TIMM23: variants seen among roughly 807,000 people sequenced by gnomAD.
TIMM23 encodes mitochondrial import inner membrane translocase subunit Tim23.
TIMM23 carries 19 observed loss-of-function variants against 30.7 expected under a neutral mutation model. That is an observed-to-expected ratio of 0.62 (90% CI 0.43 to 0.91). TIMM23 has a LOEUF of 0.91. Among genes scored for constraint, TIMM23 ranks in the 40% least tolerant of loss-of-function variants. The pLI, the probability that TIMM23 is intolerant of heterozygous loss-of-function variation, is 0.00. For missense variants in TIMM23, 202 were observed against 269.2 expected (o/e 0.75, Z 1.75); for synonymous variants, 78 against 98.5 (o/e 0.79, Z 1.23).
At position 46,003,301 on chromosome 10, in the gene TIMM23, C is replaced by T. The variant is rs781784865; in HGVS notation, c.613C>T (p.Leu205Phe). ...CTGGGAGCACATGAAAGGCTCCTTG[C>T]TCCAACAGTCACTCTGAAGATTTTG... is the stretch of plus-strand genomic sequence containing the variant. ...NNWEHMKGSL[L>F]QQSL Residue 205 changes from leucine to phenylalanine, a missense_variant, in exon 7 of 7, where the codon CTC becomes TTC. Physicochemically the swap from Leu to Phe is conservative, Grantham distance 22. Transcript: ENST00000580018. The T allele has an allele frequency of 6.2e-7, 1 of 1,613,782 alleles. No homozygotes were observed. Among genetic ancestry groups the T allele is most frequent in the Non-Finnish European group, 8.5e-7 (1 of 1,179,702 alleles).
chr10:45,996,189 G>A (rs1838325543), intron 6 of TIMM23, among the ~76,000 whole-genome samples: 3 of 142,418 alleles, frequency 2.1e-5, no homozygotes, highest in South Asian at 2.2e-4. Flanking sequence ...GTGAAACCCC[G>A]TCTCTACTGA....
At position 46,003,513 on chromosome 10, in the gene TIMM23, G is replaced by C. The variant is rs1838620194; in HGVS notation, c.*195G>C. ...CAGCCATTAGTGAGTTGAAGCCAAA[G>C]CCCTTTGGTGACTCACTGAGTACCA... is the stretch of plus-strand genomic sequence containing the variant. On this transcript the variant is annotated 3_prime_UTR_variant, in exon 7 of 7. Transcript: ENST00000580018. The C allele has an allele frequency of 2.0e-6, 1 of 495,802 alleles. No homozygotes were observed. Among genetic ancestry groups the C allele is most frequent in the Non-Finnish European group, 3.7e-6 (1 of 272,404 alleles). 30.7% of individuals were successfully genotyped at this position (495,802 alleles called of 1,614,324 possible).
intron 2 of TIMM23, among the ~76,000 whole-genome samples, chr10:45,978,825 A>G (rs2132247745): frequency 6.6e-6 from 1 of 152,268 alleles, no homozygotes; most frequent in East Asian, 1.9e-4. Context: ...CTGTGCACAT[A>G]AGTTGTAAAT....
intron 6 of TIMM23, among the ~76,000 whole-genome samples, chr10:45,993,509 G>T (rs1450735952): frequency 6.6e-6 from 1 of 151,890 alleles, no homozygotes; most frequent in Non-Finnish European, 1.5e-5. Flanking sequence ...AGCAGAGATC[G>T]CGCCACTGAA....
At chr10:45,975,154 G>T (rs1554912744) in intron 1 of TIMM23, among the ~76,000 whole-genome samples, 2 of 152,192 alleles carry the variant, frequency 1.3e-5, no homozygotes, top group African/African-American at 4.8e-5. Flanking sequence ...AAAGAAATTA[G>T]CTTTGTAAAT....
chr10:45,977,731 C>G (rs1372517536), intron 2 of TIMM23, among the ~76,000 whole-genome samples: 4 of 152,122 alleles, frequency 2.6e-5, no homozygotes, highest in African/African-American at 4.8e-5. Context: ...GTGGTTTAGA[C>G]AATACCAACA....
intron 6 of TIMM23, among the ~76,000 whole-genome samples, chr10:46,001,476 T>G (rs1387869155): frequency 6.6e-6 from 1 of 152,168 alleles, no homozygotes; most frequent in Non-Finnish European, 1.5e-5. Context: ...GTCTTCAGAC[T>G]GGAGAGATTC....
At chr10:45,980,097 T>G in intron 2 of TIMM23, among the ~76,000 whole-genome samples, 1 of 151,008 alleles carries the variant, frequency 6.6e-6, no homozygotes, top group Admixed American at 6.6e-5. Flanking sequence ...AAAAAGTGTT[T>G]TATAAACCTC....
At chr10:45,977,024 A>G (rs1234303480) in intron 2 of TIMM23, among the ~76,000 whole-genome samples, 1 of 151,940 alleles carries the variant, frequency 6.6e-6, no homozygotes, top group Non-Finnish European at 1.5e-5. Flanking sequence ...GATTACCAAT[A>G]ACATCAAAAA....
intron 1 of TIMM23, among the ~76,000 whole-genome samples, chr10:45,973,417 C>G (rs4247664): frequency 5.3e-5 from 8 of 152,286 alleles, no homozygotes; most frequent in African/African-American, 1.7e-4. Context: ...TAGATAAATA[C>G]AACTTGGACC....
chr10:45,986,703 C>T (rs1240024982), intron 5 of TIMM23, among the ~76,000 whole-genome samples: 18 of 151,912 alleles, frequency 1.2e-4, no homozygotes, highest in Admixed American at 3.9e-4. Flanking sequence ...AGAAGGATGG[C>T]TTGGGGGAAG....
chr10:46,002,302 A>G (rs1427243505), intron 6 of TIMM23: 4 of 152,806 alleles, frequency 2.6e-5, no homozygotes, highest in Non-Finnish European at 5.8e-5. Flanking sequence ...CAGCCTCCCA[A>G]ATAGCTGGGA....
In TIMM23 at chr10:46,003,254, G is replaced by A. The variant is rs1256564408; in HGVS notation, c.566G>A (p.Ser189Asn). ...RGGLTGLTLTSLYALYNNWEH... is the reference protein window; with the variant it reads ...RGGLTGLTLTNLYALYNNWEH... ...GGTCTGACAGGACTAACACTTACCA[G>A]CCTCTATGCACTATATAATAACTGG... Residue 189 changes from serine (S) to asparagine (N), a missense_variant, in exon 7 of 7, where the codon AGC becomes AAC. Physicochemically the swap from Ser to Asn is conservative, Grantham distance 46. Coordinates refer to ENST00000580018, the MANE Select transcript of TIMM23 (RefSeq NM_006327.4). 9 of 1,614,136 alleles carry A rather than the reference G, an allele frequency of 5.6e-6. No individual in the cohort carries two copies. The highest frequency in any genetic ancestry group is 7.6e-6 in the Non-Finnish European group (9 of 1,180,020).
chr10:46,000,482 A>T (rs895491355), intron 6 of TIMM23, among the ~76,000 whole-genome samples: 1 of 152,194 alleles, frequency 6.6e-6, no homozygotes, highest in African/African-American at 2.4e-5. Flanking sequence ...GGCCTTCCAA[A>T]GTGCTGGGAT....
intron 6 of TIMM23, among the ~76,000 whole-genome samples, chr10:46,002,810 ATTTTTTTTTTT>A (rs386371331): frequency 1.1e-5 from 1 of 95,068 alleles, no homozygotes; most frequent in Non-Finnish European, 2.0e-5. Flanking sequence ...ATTTCATAGT[ATTTTTTTTTTT>A]TTTTTTTTTT....
chr10:45,997,429 T>C (rs949163768), intron 6 of TIMM23, among the ~76,000 whole-genome samples: 3 of 152,038 alleles, frequency 2.0e-5, no homozygotes, highest in African/African-American at 7.2e-5. Context: ...AGAAAAAAAG[T>C]AGAATGGAAG....
chr10:45,993,574 C>G (rs1310330326), intron 6 of TIMM23, among the ~76,000 whole-genome samples: 2 of 151,984 alleles, frequency 1.3e-5, no homozygotes, highest in African/African-American at 4.8e-5. Flanking sequence ...TGTGACATGA[C>G]ATGACATGAT....
At chr10:45,979,477 T>C (rs1289110840) in intron 2 of TIMM23, among the ~76,000 whole-genome samples, 1 of 151,764 alleles carries the variant, frequency 6.6e-6, no homozygotes, top group African/African-American at 2.4e-5. Flanking sequence ...TTTTTTTTTT[T>C]ACATTCTTTG....
In TIMM23 at chr10:45,972,708, C is replaced by A. The variant is rs782075171; in HGVS notation, c.84C>A (p.His28Gln). 3 of 1,613,880 alleles carry A rather than the reference C, an allele frequency of 1.9e-6. No homozygotes were observed. The highest frequency in any genetic ancestry group is 2.5e-6 in the Non-Finnish European group (3 of 1,179,866). ...GAGCCGGCGGAGCAGGTTACTCGCA[C>A]GCGGATTTGGCTGGCGTCCCGCGTA... ...FFGAGGAGYS[H>Q]ADLAGVPLTG... The change falls in exon 1 of 7, where the codon CAC becomes CAA. Residue 28 changes from histidine (H) to glutamine (Q), a missense_variant. By Grantham distance (24) the His-to-Gln change is conservative. Coordinates refer to ENST00000580018, the MANE Select transcript of TIMM23 (RefSeq NM_006327.4).
Sources: gnomAD v4.1 joint callset for allele counts (sites outside exome capture counted in the v4.1 genomes callset) on GRCh38, gnomAD v4.1.1 for gene constraint, MANE v1.5 for transcripts, NCBI Gene and HGNC (gene_info 2026-07-23, HGNC 2026-07-21) for gene names.